Variants in AMPH observed in about 807,000 individuals in gnomAD.
AMPH encodes the protein amphiphysin (Stiff-Mann syndrome with breast cancer 128kD autoantigen).
Under a neutral mutation model 99.1 loss-of-function variants are expected in AMPH, and 49 were observed. That is an observed-to-expected ratio of 0.49 (90% CI 0.39 to 0.63). AMPH has a LOEUF of 0.63. Among genes scored for constraint, AMPH ranks in the 20% least tolerant of loss-of-function variants. The pLI is 0.00. For synonymous variants in AMPH, 314 were observed against 317.3 expected (o/e 0.99, Z 0.11); for missense variants, 759 against 863.4 (o/e 0.88, Z 1.52).
chr7:38,489,409 G>GC (rs1202882635), intron 5 of AMPH, among the ~76,000 whole-genome samples: 2 of 151,870 alleles, frequency 1.3e-5, no homozygotes, highest in Non-Finnish European at 1.5e-5. Flanking sequence ...AAAGTTGAGG[G>GC]GGGGGGAAGC....
chr7:38,577,039 C>T (rs1316035845), intron 1 of AMPH, among the ~76,000 whole-genome samples: 1 of 152,122 alleles, frequency 6.6e-6, no homozygotes, highest in Non-Finnish European at 1.5e-5. Context: ...TCTGGTCAAC[C>T]ACCTTATTCT....
intron 17 of AMPH, among the ~76,000 whole-genome samples, chr7:38,410,105 A>T (rs1562735141): frequency 5.3e-5 from 8 of 152,196 alleles, no homozygotes; most frequent in Admixed American, 3.3e-4. Context: ...ATGGTACAAT[A>T]AGCATTTTTC....
rs2229922 is a variant in AMPH at position 38,391,910 on chromosome 7, C to T, written c.1716G>A (p.Ala572=). Residue 572 remains alanine (A), a synonymous_variant, in exon 19 of 21, where the codon GCG becomes GCA. Coordinates refer to ENST00000356264, the MANE Select transcript of AMPH (RefSeq NM_001635.4). The part of the protein sequence containing the change: ...GAEPKETTED[A]APPGPTSETP... ...TCTCGCTGGTGGGGCCCGGAGGAGC[C>T]GCGTCCTCGGTGGTCTCCTTGGGCT... 172,535 of 1,612,368 alleles carry T rather than the reference C, an allele frequency of 0.11. 9,968 individuals carry two copies. The highest frequency in any genetic ancestry group is 0.15 in the Middle Eastern group (863 of 5,662).
At chr7:38,439,672 A>G (rs745562350) in intron 11 of AMPH, among the ~76,000 whole-genome samples, 7 of 152,196 alleles carry the variant, frequency 4.6e-5, no homozygotes, top group Non-Finnish European at 8.8e-5. Context: ...CTGCTTTACC[A>G]TCAGAAATCT....
intron 17 of AMPH, among the ~76,000 whole-genome samples, chr7:38,413,851 A>G (rs1452599893): frequency 6.6e-6 from 1 of 152,232 alleles, no homozygotes; most frequent in Non-Finnish European, 1.5e-5. Flanking sequence ...ACATACTGAG[A>G]GATCACATCT....
chr7:38,403,595 G>A (rs1299832094), intron 17 of AMPH, among the ~76,000 whole-genome samples: 1 of 152,226 alleles, frequency 6.6e-6, no homozygotes, highest in East Asian at 1.9e-4. Flanking sequence ...GCAATGATAG[G>A]GGACTGATAG....
chr7:38,572,851 C>G (rs766253014), intron 1 of AMPH, among the ~76,000 whole-genome samples: 36 of 152,124 alleles, frequency 2.4e-4, no homozygotes, highest in Non-Finnish European at 4.4e-4. Context: ...CATCCCACCC[C>G]CAACACAGAG....
At chr7:38,405,022 C>G (rs1439355661) in intron 17 of AMPH, among the ~76,000 whole-genome samples, 3 of 152,026 alleles carry the variant, frequency 2.0e-5, no homozygotes, top group African/African-American at 7.3e-5. Flanking sequence ...TCAGCAGAAA[C>G]CTTATAAGCC....
chr7:38,446,678 T>G (rs1031237111), intron 11 of AMPH, among the ~76,000 whole-genome samples: 5 of 152,178 alleles, frequency 3.3e-5, no homozygotes, highest in Non-Finnish European at 7.3e-5. Context: ...CTTCTTGGGG[T>G]GACATATATT....
At chr7:38,427,059 A>G (rs78935089) in intron 14 of AMPH, 73 bp from the exon 15 acceptor site, 85,861 of 1,366,174 alleles carry the variant, frequency 0.063, 3,469 homozygotes, top group East Asian at 0.19. Flanking sequence ...AATATCCATT[A>G]GACAAGTTGG....
At chr7:38,521,142 CT>C (rs1480891903) in intron 2 of AMPH, among the ~76,000 whole-genome samples, 1 of 152,152 alleles carries the variant, frequency 6.6e-6, no homozygotes, top group Non-Finnish European at 1.5e-5. Context: ...GTAGAATTTG[CT>C]CCAAGTCATG....
intron 1 of AMPH, among the ~76,000 whole-genome samples, chr7:38,544,291 T>G (rs1790916753): frequency 6.6e-6 from 1 of 152,202 alleles, no homozygotes; most frequent in Admixed American, 6.5e-5. Context: ...CTCCCTACTC[T>G]GTCATCACTT....
intron 5 of AMPH, among the ~76,000 whole-genome samples, chr7:38,490,644 T>C (rs1460528280): frequency 1.3e-5 from 2 of 152,122 alleles, no homozygotes; most frequent in East Asian, 1.9e-4. Flanking sequence ...GAAGGAAAGA[T>C]CAGGTTTTGC....
chr7:38,530,589 A>G (rs945843541), intron 2 of AMPH, among the ~76,000 whole-genome samples: 1 of 152,236 alleles, frequency 6.6e-6, no homozygotes, highest in Non-Finnish European at 1.5e-5. Flanking sequence ...GGGCTCAACC[A>G]GCCCTCAAGG....
At chr7:38,566,308 G>GT (rs11305133) in intron 1 of AMPH, among the ~76,000 whole-genome samples, 200 of 150,390 alleles carry the variant, frequency 1.3e-3, no homozygotes, top group East Asian at 1.6e-3. Flanking sequence ...CTTGTTTATT[G>GT]TTTTTTTTTT....
chr7:38,454,121 A>T (rs2129004631), intron 11 of AMPH, among the ~76,000 whole-genome samples: 1 of 152,360 alleles, frequency 6.6e-6, no homozygotes, highest in South Asian at 2.1e-4. Flanking sequence ...AGTTAATTTT[A>T]TCAAACTCAG....
chr7:38,458,171 G>A (rs1396970793), intron 11 of AMPH, among the ~76,000 whole-genome samples: 2 of 151,976 alleles, frequency 1.3e-5, no homozygotes, highest in African/African-American at 2.4e-5. Context: ...TCAGCATCAC[G>A]CAATATCTCC....
chr7:38,614,669 T>A (rs1348070206), intron 1 of AMPH, among the ~76,000 whole-genome samples: 1 of 152,178 alleles, frequency 6.6e-6, no homozygotes, highest in East Asian at 1.9e-4. Flanking sequence ...GTTCATCTTG[T>A]AAGAAATGAA....
intron 11 of AMPH, among the ~76,000 whole-genome samples, chr7:38,448,402 T>C (rs908367723): frequency 6.6e-6 from 1 of 152,222 alleles, no homozygotes; most frequent in Non-Finnish European, 1.5e-5. Flanking sequence ...AAACCACAAA[T>C]GGTACAGATA....
Sources: allele counts gnomAD v4.1 joint callset (sites outside exome capture counted in the v4.1 genomes callset), GRCh38; gene constraint gnomAD v4.1.1; transcripts MANE v1.5; gene names NCBI Gene and HGNC (gene_info 2026-07-23, HGNC 2026-07-21).